Variants in PIP4P2 observed in about 807,000 individuals in gnomAD.
PIP4P2 encodes the protein phosphatidylinositol-4,5-bisphosphate 4-phosphatase 2.
A neutral mutation model predicts 33.3 loss-of-function variants in PIP4P2; 19 were observed. That is an observed-to-expected ratio of 0.57 (90% CI 0.40 to 0.84). PIP4P2 has a LOEUF of 0.84. Ranked by LOEUF, PIP4P2 falls within the 40% of genes least tolerant of loss-of-function variation. The probability of loss-of-function intolerance (pLI) is 0.00; values close to 1 mark genes in which losing one functional copy is unlikely to be tolerated. For missense variants in PIP4P2, 270 were observed against 324.7 expected, an observed-to-expected ratio of 0.83 and a Z score of 1.29; for synonymous variants, 110 against 111.9, an observed-to-expected ratio of 0.98 and a Z score of 0.11.
At chr8:91,020,574 C>T (rs1307217690) in intron 2 of PIP4P2, among the ~76,000 whole-genome samples, 1 of 151,910 alleles carries the variant, frequency 6.6e-6, no homozygotes, top group Non-Finnish European at 1.5e-5. Flanking sequence ...TATATAAAGC[C>T]TAACTATGAA....
chr8:91,038,971 C>G (rs917884196), intron 1 of PIP4P2, among the ~76,000 whole-genome samples: 28 of 152,092 alleles, frequency 1.8e-4, no homozygotes, highest in African/African-American at 6.5e-4. Flanking sequence ...TTTGAGGAAT[C>G]TTATTAGGTT....
intron 1 of PIP4P2, among the ~76,000 whole-genome samples, chr8:91,034,905 T>G (rs1812215827): frequency 6.6e-6 from 1 of 152,204 alleles, no homozygotes; most frequent in African/African-American, 2.4e-5. Context: ...TCTAGCCTAG[T>G]GTAGAACATA....
In PIP4P2 at chr8:90,994,430, T is replaced by A. The variant is rs1035264373; in HGVS notation, c.*1247A>T. On this transcript the variant is annotated 3_prime_UTR_variant, in exon 7 of 7. Coordinates refer to ENST00000285419, the MANE Select transcript of PIP4P2 (RefSeq NM_018710.3). Reference sequence around the variant, plus strand: ...ATACTAATCAGTATCATAAATAATTTAAAATATTAGTCTTATCTCTGGAAT... The same window carrying A: ...ATACTAATCAGTATCATAAATAATTAAAAATATTAGTCTTATCTCTGGAAT... 1 of 152,288 alleles carries A rather than the reference T, an allele frequency of 6.6e-6. No homozygotes were observed. The highest frequency in any genetic ancestry group is 2.4e-5 in the African/African-American group (1 of 41,462). 9.4% of individuals were successfully genotyped at this position (152,288 alleles called of 1,614,324 possible). A position where few individuals can be genotyped will look rare whatever the true frequency, so the allele number is the denominator to read the frequency against.
intron 3 of PIP4P2, 142 bp downstream of exon 3, chr8:91,020,015 T>C: frequency 1.3e-6 from 1 of 745,156 alleles, no homozygotes; most frequent in East Asian, 2.7e-5. Context: ...ATCATTCCTT[T>C]AACAAAAAAA....
chr8:91,031,550 G>C (rs932216055), intron 1 of PIP4P2, among the ~76,000 whole-genome samples: 1 of 152,158 alleles, frequency 6.6e-6, no homozygotes, highest in African/African-American at 2.4e-5. Flanking sequence ...GATTGACCAA[G>C]CCTAAATATC....
chr8:91,008,432 G>A (rs1385817221), intron 5 of PIP4P2, among the ~76,000 whole-genome samples: 1 of 152,106 alleles, frequency 6.6e-6, no homozygotes, highest in African/African-American at 2.4e-5. Flanking sequence ...TTTTATAAAT[G>A]TAAATTTTAG....
At chr8:91,022,169 G>A (rs1270245539) in intron 1 of PIP4P2, among the ~76,000 whole-genome samples, 1 of 152,128 alleles carries the variant, frequency 6.6e-6, no homozygotes, top group Admixed American at 6.6e-5. Context: ...TGGGGAACCA[G>A]ATGAAACAAG....
chr8:91,004,332 A>G (rs1427638294), intron 5 of PIP4P2, among the ~76,000 whole-genome samples: 1 of 150,044 alleles, frequency 6.7e-6, no homozygotes, highest in Non-Finnish European at 1.5e-5. Flanking sequence ...TTTTTTTTCT[A>G]TTGGGCCCCC....
In PIP4P2 at chr8:90,994,109, A is replaced by T. The variant is rs1246407987; in HGVS notation, c.*1568T>A. 6.6e-6 allele frequency: 1 copy of T among 152,186 alleles called. No homozygotes were observed. Among genetic ancestry groups the T allele is most frequent in the African/African-American group, 2.4e-5 (1 of 41,458 alleles). The allele number at this position is 152,186 out of a possible 1,614,324, so 9.4% of individuals were successfully genotyped here. A position where few individuals can be genotyped will look rare whatever the true frequency, so the allele number is the denominator to read the frequency against. On this transcript the variant is annotated 3_prime_UTR_variant, in exon 7 of 7. Coordinates refer to ENST00000285419, the MANE Select transcript of PIP4P2 (RefSeq NM_018710.3). Reference sequence around the variant, plus strand: ...CATCAAGTGTATTACAAATGGATTTAAAAACTATATTTTAAAAATAAAACC... The same window carrying T: ...CATCAAGTGTATTACAAATGGATTTTAAAACTATATTTTAAAAATAAAACC...
At chr8:91,005,544 A>C (rs1364721926) in intron 5 of PIP4P2, among the ~76,000 whole-genome samples, 1 of 152,154 alleles carries the variant, frequency 6.6e-6, no homozygotes, top group African/African-American at 2.4e-5. Flanking sequence ...TATTCTCCCC[A>C]CTATGCCCAC....
At chr8:91,021,009 T>C (rs1812001431) in intron 2 of PIP4P2, among the ~76,000 whole-genome samples, 1 of 152,228 alleles carries the variant, frequency 6.6e-6, no homozygotes, top group African/African-American at 2.4e-5. Flanking sequence ...CTCAGTCTAG[T>C]TTTTGAAAGT....
rs780564759 is a variant in PIP4P2, at chr8:91,040,672, T to G, written c.78A>C (p.Pro26=). The G allele has an allele frequency of 6.2e-7, 1 of 1,613,526 alleles. No homozygotes were observed. The highest frequency in any genetic ancestry group is 8.5e-7 in the Non-Finnish European group (1 of 1,179,984). Residue 26 remains proline (P), a synonymous_variant, in exon 1 of 7, where the codon CCA becomes CCC. Coordinates refer to ENST00000285419, the MANE Select transcript of PIP4P2 (RefSeq NM_018710.3). ...TGGGGCTGCTTTCTTGCAAGTACGG[T>G]GGGGCGGTGGGAGTGACATTTCCGG... The part of the protein sequence containing the change: ...SHSGNVTPTA[P]PYLQESSPRA...
intron 1 of PIP4P2, among the ~76,000 whole-genome samples, chr8:91,033,066 T>A (rs917874524): frequency 1.3e-5 from 2 of 152,174 alleles, no homozygotes; most frequent in African/African-American, 4.8e-5. Context: ...GTCTGCATAG[T>A]CCTTGGAAAC....
At chr8:91,011,308 A>C (rs1019782959) in intron 4 of PIP4P2, among the ~76,000 whole-genome samples, 2 of 152,058 alleles carry the variant, frequency 1.3e-5, no homozygotes, top group Admixed American at 6.6e-5. Context: ...GCCTTTTACC[A>C]GCAACAGAGA....
chr8:91,032,848 T>C (rs1812188478), intron 1 of PIP4P2, among the ~76,000 whole-genome samples: 1 of 151,876 alleles, frequency 6.6e-6, no homozygotes, highest in Non-Finnish European at 1.5e-5. Flanking sequence ...CAGGGTTACC[T>C]GCTTTTCCCA....
intron 4 of PIP4P2, among the ~76,000 whole-genome samples, chr8:91,017,232 G>A (rs1485726397): frequency 6.6e-6 from 1 of 151,848 alleles, no homozygotes; most frequent in Admixed American, 6.6e-5. Context: ...AACCCCATCT[G>A]TACTAAAAAT....
In PIP4P2 at chr8:91,040,646, C is replaced by G; in HGVS notation, c.104G>C (p.Arg35Thr). Residue 35 changes from arginine (R) to threonine (T), a missense_variant and splice_region_variant, in exon 1 of 7, where the codon AGA (arginine) becomes ACA (threonine). Arg to Thr is a moderately conservative substitution (Grantham distance 71). Coordinates refer to ENST00000285419, the MANE Select transcript of PIP4P2 (RefSeq NM_018710.3). The stretch of plus-strand genomic sequence containing the variant: ...AGAGGGATCTACGCTGGCCTTACCT[C>G]TGGGGCTGCTTTCTTGCAAGTACGG... ...APPYLQESSP[R>T]AELPPPYTAI... is the part of the protein sequence containing the mutation. 6.2e-7 allele frequency: 1 copy of G among 1,613,768 alleles called. No homozygotes were observed. Among genetic ancestry groups the G allele is most frequent in the South Asian group, 1.1e-5 (1 of 91,060 alleles).
At chr8:90,996,029 A>C (rs1811624354) in intron 6 of PIP4P2, among the ~76,000 whole-genome samples, 1 of 152,162 alleles carries the variant, frequency 6.6e-6, no homozygotes, top group Non-Finnish European at 1.5e-5. Context: ...AAGTAAACAA[A>C]AAAGCACACT....
chr8:91,020,025 A>G (rs1192285130), intron 3 of PIP4P2, 132 bp downstream of exon 3: 3 of 809,782 alleles, frequency 3.7e-6, no homozygotes, highest in Non-Finnish European at 5.8e-6. Context: ...TAACAAAAAA[A>G]TAATCTAGAT....
Sources: allele counts gnomAD v4.1 joint callset (sites outside exome capture counted in the v4.1 genomes callset), GRCh38; gene constraint gnomAD v4.1.1; transcripts MANE v1.5; gene names NCBI Gene and HGNC (gene_info 2026-07-23, HGNC 2026-07-21).